PHKB: variants seen among roughly 807,000 people sequenced by gnomAD.
PHKB encodes the protein phosphorylase b kinase regulatory subunit beta.
In PHKB, 122 loss-of-function variants were observed where a neutral mutation model predicts 152.1. The ratio of observed to expected loss-of-function variants is 0.80; its 90% CI spans 0.69 to 0.93. PHKB has a LOEUF of 0.93. PHKB is among the 40% of genes least tolerant of loss of function. The probability of loss-of-function intolerance (pLI) is 0.00; values close to 1 mark genes in which losing one functional copy is unlikely to be tolerated. For synonymous variants in PHKB, 436 were observed against 464.9 expected, an observed-to-expected ratio of 0.94 and a Z score of 0.80; for missense variants, 1,304 against 1,328.4, an observed-to-expected ratio of 0.98 and a Z score of 0.29.
chr16:47,665,974 G>GT, intron 25 of PHKB: 1 of 1,614,046 alleles, frequency 6.2e-7, no homozygotes, highest in East Asian at 2.2e-5. Flanking sequence ...AGTCTTTTAA[G>GT]TAAAGTAGTG....
Position 47,589,085 on chromosome 16 carries a change from A to G in PHKB, c.1051A>G (p.Lys351Glu). The G allele has an allele frequency of 6.2e-7, 1 of 1,611,318 alleles. No homozygotes were observed. Among genetic ancestry groups the G allele is most frequent in the Non-Finnish European group, 8.5e-7 (1 of 1,177,616 alleles). ...GGAAGATCCCAACAGATGCTACTAC[A>G]AGCCAGCTGAAATTAAGGTATTAAA... ...SLEDPNRCYY[K>E]PAEIKLFDGI... Residue 351 changes from lysine (K) to glutamate (E), a missense_variant, in exon 10 of 31, where the codon AAG (lysine) becomes GAG (glutamate). Coordinates refer to ENST00000323584, the MANE Select transcript of PHKB (RefSeq NM_000293.3).
intron 14 of PHKB, among the ~76,000 whole-genome samples, chr16:47,611,852 T>C (rs1972434172): frequency 6.6e-6 from 1 of 152,146 alleles, no homozygotes; most frequent in South Asian, 2.1e-4. Flanking sequence ...AAATAAATGC[T>C]ATGGTTTTCT....
chr16:47,483,691 G>C (rs1970004251), intron 1 of PHKB, among the ~76,000 whole-genome samples: 1 of 152,070 alleles, frequency 6.6e-6, no homozygotes, highest in South Asian at 2.1e-4. Context: ...GAATAGAATA[G>C]AACACACTCA....
At position 47,649,246 on chromosome 16, in the gene PHKB, T is replaced by A. The variant is rs1567341200; in HGVS notation, c.1797+42T>A. The A allele has an allele frequency of 7.7e-6, 8 of 1,036,886 alleles. No individual in the cohort carries two copies. The East Asian group carries it at 1.9e-4, about 25-fold the overall frequency. 64.2% of individuals were successfully genotyped at this position (1,036,886 alleles called of 1,614,324 possible). On this transcript the variant is annotated intron_variant, in intron 18 of 30. Coordinates refer to ENST00000323584, the MANE Select transcript of PHKB (RefSeq NM_000293.3). ...TTTCTTAAAAATGGAATGAGTTTGT[T>A]TCCACTGATTTTATCATATGTTACT...
intron 7 of PHKB, among the ~76,000 whole-genome samples, chr16:47,569,932 C>A (rs762606116): frequency 3.0e-4 from 45 of 152,168 alleles, no homozygotes; most frequent in Non-Finnish European, 5.6e-4. Flanking sequence ...CTAGCCCTTT[C>A]ATTTAGATGT....
chr16:47,682,592 G>T (rs1016588760), intron 26 of PHKB, among the ~76,000 whole-genome samples: 1 of 152,096 alleles, frequency 6.6e-6, no homozygotes, highest in African/African-American at 2.4e-5. Flanking sequence ...CATAGTTCTC[G>T]AGCCTTGGCT....
At chr16:47,586,770 C>T (rs1971941896) in intron 8 of PHKB, among the ~76,000 whole-genome samples, 1 of 152,170 alleles carries the variant, frequency 6.6e-6, no homozygotes, top group Middle Eastern at 3.2e-3. Flanking sequence ...TCCTTATTCC[C>T]ATCCAGTTCT....
In PHKB at chr16:47,594,139, G is replaced by A; in HGVS notation, c.1129G>A (p.Val377Ile). 1 of 1,510,480 alleles carries A rather than the reference G, an allele frequency of 6.6e-7. No homozygotes were observed. The allele number at this position is 1,510,480 out of a possible 1,614,324, so 93.6% of individuals were successfully genotyped here. A position where few individuals can be genotyped will look rare whatever the true frequency, so the allele number is the denominator to read the frequency against. ...GGATTTTATATTTTATATTTTAGGAGTTTTTAGAGGCAATCCTAAGCAAGT... is the reference window on the plus strand; with the variant it reads ...GGATTTTATATTTTATATTTTAGGAATTTTTAGAGGCAATCCTAAGCAAGT... ...IFFLYMMIDGVFRGNPKQVQE... is the reference protein window; with the variant it reads ...IFFLYMMIDGIFRGNPKQVQE... Residue 377 changes from valine to isoleucine, a missense_variant and splice_region_variant, in exon 12 of 31, where the codon GTT becomes ATT. Coordinates refer to ENST00000323584, the MANE Select transcript of PHKB (RefSeq NM_000293.3).
intron 1 of PHKB, among the ~76,000 whole-genome samples, chr16:47,481,128 G>A (rs1969957017): frequency 6.6e-6 from 1 of 152,130 alleles, no homozygotes; most frequent in African/African-American, 2.4e-5. Context: ...GAGACAGCAT[G>A]GTTTTCTGGG....
At chr16:47,682,167 G>A (rs190432561) in intron 26 of PHKB, among the ~76,000 whole-genome samples, 3 of 152,242 alleles carry the variant, frequency 2.0e-5, no homozygotes, top group African/African-American at 7.2e-5. Context: ...TGGGTTACCC[G>A]ACCTTTCTCT....
chr16:47,610,861 G>T lies in PHKB; in HGVS notation c.1399G>T (p.Val467Phe). ...ELISPKDIDP[V>F]QRYVPLKDQR... ...TATTAGTCCTAAAGACATTGATCCTGTCCAGCGCTATGTCCCACTAAAGGA... is the reference window on the plus strand; with the variant it reads ...TATTAGTCCTAAAGACATTGATCCTTTCCAGCGCTATGTCCCACTAAAGGA... The change falls in exon 14 of 31, where the codon GTC (valine) becomes TTC (phenylalanine). Residue 467 changes from valine to phenylalanine, a missense_variant. Coordinates refer to ENST00000323584, the MANE Select transcript of PHKB (RefSeq NM_000293.3). 1 of 1,609,230 alleles carries T rather than the reference G, an allele frequency of 6.2e-7. No homozygotes were observed. The highest frequency in any genetic ancestry group is 8.5e-7 in the Non-Finnish European group (1 of 1,175,732).
intron 13 of PHKB, among the ~76,000 whole-genome samples, chr16:47,599,310 A>T (rs1972179113): frequency 6.6e-6 from 1 of 152,188 alleles, no homozygotes; most frequent in African/African-American, 2.4e-5. Flanking sequence ...TATGAAATTA[A>T]AACCTTCTTT....
intron 2 of PHKB, among the ~76,000 whole-genome samples, chr16:47,498,118 A>G (rs1970263883): frequency 6.6e-6 from 1 of 152,164 alleles, no homozygotes; most frequent in Non-Finnish European, 1.5e-5. Context: ...GATGGCAGAA[A>G]ACATAAAATT....
rs999981428 is a variant in PHKB, at chr16:47,610,812, C to G, written c.1364-14C>G. 3.5e-5 allele frequency: 53 copies of G among 1,511,682 alleles called. No individual in the cohort carries two copies. The highest frequency in any genetic ancestry group is 4.6e-5 in the Non-Finnish European group (50 of 1,087,290). 93.6% of individuals were successfully genotyped at this position (1,511,682 alleles called of 1,614,324 possible). A position where few individuals can be genotyped will look rare whatever the true frequency, so the allele number is the denominator to read the frequency against. ...ATGCATTTTCGATAATGTCATTCCC[C>G]TTCTTTTTTTCAGCTGATGAACTTA... On this transcript the variant is annotated splice_polypyrimidine_tract_variant and intron_variant, in intron 13 of 30. Coordinates refer to ENST00000323584, the MANE Select transcript of PHKB (RefSeq NM_000293.3).
intron 14 of PHKB, among the ~76,000 whole-genome samples, chr16:47,624,635 C>T (rs1972677446): frequency 6.6e-6 from 1 of 152,140 alleles, no homozygotes; most frequent in Admixed American, 6.6e-5. Flanking sequence ...AATTGATATT[C>T]AGTCTTTCCT....
intron 8 of PHKB, among the ~76,000 whole-genome samples, chr16:47,585,588 G>A (rs1396894441): frequency 2.6e-5 from 4 of 152,154 alleles, no homozygotes; most frequent in East Asian, 3.8e-4. Context: ...AATCTGGACC[G>A]TAATGCCTAA....
intron 14 of PHKB, among the ~76,000 whole-genome samples, chr16:47,633,832 T>C (rs548365695): frequency 5.5e-4 from 84 of 152,326 alleles, no homozygotes; most frequent in Non-Finnish European, 9.7e-4. Context: ...AGAGGTAATA[T>C]CCTAAATATT....
intron 12 of PHKB, among the ~76,000 whole-genome samples, chr16:47,595,290 G>T (rs1362328905): frequency 2.0e-5 from 3 of 152,076 alleles, no homozygotes; most frequent in Non-Finnish European, 4.4e-5. Context: ...CCTTCTTACT[G>T]ATTTTAGACA....
intron 14 of PHKB, among the ~76,000 whole-genome samples, chr16:47,636,124 G>A (rs895118835): frequency 3.3e-5 from 5 of 152,204 alleles, no homozygotes; most frequent in African/African-American, 9.6e-5. Flanking sequence ...TGGGATGGAG[G>A]TGGGGTTGAT....
Sources: gnomAD v4.1 joint callset for allele counts (sites outside exome capture counted in the v4.1 genomes callset) on GRCh38, gnomAD v4.1.1 for gene constraint, MANE v1.5 for transcripts, NCBI Gene and HGNC (gene_info 2026-07-23, HGNC 2026-07-21) for gene names.